The following POLE variants were observed in gnomAD, a reference collection of about 807,000 sequenced individuals.
POLE encodes DNA polymerase epsilon, catalytic subunit.
POLE carries 188 observed loss-of-function variants against 279.2 expected under a neutral mutation model. The ratio of observed to expected loss-of-function variants is 0.67; its 90% CI spans 0.60 to 0.76. The LOEUF (loss-of-function observed/expected upper bound fraction) is 0.76, where lower values mean the gene tolerates loss of function less well. Among genes scored for constraint, POLE ranks in the 30% least tolerant of loss-of-function variants. The pLI is 0.00. For missense variants in POLE, 2,703 were observed against 3,016.7 expected, an observed-to-expected ratio of 0.90 and a Z score of 2.44; for synonymous variants, 1,214 against 1,172.5, an observed-to-expected ratio of 1.04 and a Z score of -0.72.
rs2042379718 is a variant in POLE, at chr12:132,649,772, C to G, written c.3700G>C (p.Val1234Leu). The change falls in exon 30 of 49, where the codon GTT becomes CTT. Residue 1234 changes from valine (V) to leucine (L), a missense_variant. Coordinates refer to ENST00000320574, the MANE Select transcript of POLE (RefSeq NM_006231.4). Reference sequence around the variant, plus strand: ...GACTCCTCCTGGCTCTCCCAAAGAACTCGCTTCCTCTTCACAGTGACAGGG... The same window carrying G: ...GACTCCTCCTGGCTCTCCCAAAGAAGTCGCTTCCTCTTCACAGTGACAGGG... ...AAPVTVKRKR[V>L]LWESQEESQD... 1 of 1,614,112 alleles carries G rather than the reference C, an allele frequency of 6.2e-7. No individual in the cohort carries two copies. The highest frequency in any genetic ancestry group is 1.3e-5 in the African/African-American group (1 of 74,936).
rs762000608 is a variant in POLE at position 132,639,201 on chromosome 12, G to T, written c.5476C>A (p.Arg1826=). 3 of 1,614,078 alleles carry T rather than the reference G, an allele frequency of 1.9e-6. No homozygotes were observed. The highest frequency in any genetic ancestry group is 2.5e-6 in the Non-Finnish European group (3 of 1,179,966). The part of the protein sequence containing the change: ...NQVMHFYRWL[R]SPSSLLHDPA... ...TCATGAAGCAGAGAGGATGGCGACC[G>T]AAGCCAGCGGTAGAAGTGCATCACC... The change falls in exon 40 of 49, where the codon CGG becomes AGG. Residue 1826 remains arginine (R), a synonymous_variant. Coordinates refer to ENST00000320574, the MANE Select transcript of POLE (RefSeq NM_006231.4). This position sits in a 1 kb window ranked among gnomAD's most constrained non-coding sequence, Gnocchi z 4.7.
chr12:132,675,249 T>A lies in POLE; in HGVS notation c.1226+149A>T. On this transcript the variant is annotated intron_variant, in intron 12 of 48. Coordinates refer to ENST00000320574, the MANE Select transcript of POLE (RefSeq NM_006231.4). This position sits in a 1 kb window ranked among gnomAD's most constrained non-coding sequence, Gnocchi z 4.3. ...CAGCACATCCCGGGCCCTGGCAGGG[T>A]TGCAGCTGCCATACTCTTGGGTGAC... 3 of 904,828 alleles carry A rather than the reference T, an allele frequency of 3.3e-6. No individual in the cohort carries two copies. In the South Asian group the frequency reaches 5.1e-5, roughly 15 times the overall value. The allele number at this position is 904,828 out of a possible 1,614,324, so 56.0% of individuals were successfully genotyped here. A position where few individuals can be genotyped will look rare whatever the true frequency, so the allele number is the denominator to read the frequency against.
At chr12:132,680,336 T>A in intron 3 of POLE, 114 bp from the exon 4 acceptor site, 1 of 962,444 alleles carries the variant, frequency 1.0e-6, no homozygotes, top group Non-Finnish European at 1.7e-6. Flanking sequence ...CAGGGTAGCC[T>A]TGACCTTGGT....
At chr12:132,682,984 A>G (rs1020183801) in intron 1 of POLE, among the ~76,000 whole-genome samples, 8 of 152,050 alleles carry the variant, frequency 5.3e-5, no homozygotes, top group African/African-American at 1.9e-4. Context: ...AGAACAAGAT[A>G]AAAAAAGAAA....
rs1264882230 is a variant in POLE at position 132,639,958 on chromosome 12, AAAACAAAAC to A, written c.5379-669_5379-661del. On this transcript the variant is annotated intron_variant, in intron 39 of 48. Coordinates refer to ENST00000320574, the MANE Select transcript of POLE (RefSeq NM_006231.4). The surrounding 1 kb of genome is among the most constrained non-coding windows in gnomAD (Gnocchi z 4.7). ...TGAGACTGTCTCAAAAAACAAAAACAAAACAAAACAAAACAAAACAAAACAAAACAAAAC... is the reference window on the plus strand; with the variant it reads ...TGAGACTGTCTCAAAAAACAAAAACAAAAACAAAACAAAACAAAACAAAAC... 1.0e-4 allele frequency among the ~76,000 whole-genome samples: 2 copies of A among 19,528 alleles called. No homozygotes were observed. The highest frequency in any genetic ancestry group is 1.6e-3 in the South Asian group (1 of 616). 12.8% of individuals were successfully genotyped at this position (19,528 alleles called of 152,430 possible).
intron 20 of POLE, 108 bp downstream of exon 20, chr12:132,667,395 C>T (rs1436345158): frequency 3.2e-5 from 37 of 1,145,524 alleles, no homozygotes; most frequent in Non-Finnish European, 4.7e-5. Flanking sequence ...CATCCGAGTG[C>T]AAGTGCCTGC....
At chr12:132,628,210 C>T (rs866338551) in intron 45 of POLE, among the ~76,000 whole-genome samples, 10 of 152,122 alleles carry the variant, frequency 6.6e-5, no homozygotes, top group Admixed American at 1.3e-4. Context: ...GGTGTGGTGG[C>T]GCTTGCCTGT....
chr12:132,642,372 G>C lies in POLE; in HGVS notation c.4978C>G (p.Leu1660Val), dbSNP rs2138531866. ...CCGAATGTGGAGATGTCCTCTGGTA[G>C]GTTCCCAATGGGAATGTGAAAGTAC... is the stretch of plus-strand genomic sequence containing the variant. ...SRYFHIPIGN[L>V]PEDISTFGSD... Residue 1660 changes from leucine (L) to valine (V), a missense_variant, in exon 38 of 49, where the codon CTA (leucine) becomes GTA (valine). Coordinates refer to ENST00000320574, the MANE Select transcript of POLE (RefSeq NM_006231.4). 1 of 1,579,426 alleles carries C rather than the reference G, an allele frequency of 6.3e-7. No homozygotes were observed. The highest frequency in any genetic ancestry group is 1.3e-5 in the African/African-American group (1 of 74,394).
chr12:132,679,644 T>G lies in POLE; in HGVS notation c.431A>C (p.His144Pro). 1 of 1,609,502 alleles carries G rather than the reference T, an allele frequency of 6.2e-7. No homozygotes were observed. Among genetic ancestry groups the G allele is most frequent in the South Asian group, 1.1e-5 (1 of 90,998 alleles). Residue 144 changes from histidine (H) to proline (P), a missense_variant, in exon 6 of 49, where the codon CAC (histidine) becomes CCC (proline). Transcript: ENST00000320574. ...GTAATTTCGCTTCAAACCCACCAAG[T>G]GATTTGGCTATAATGCGAAGAGATC... ...VPKEDLDLPN[H>P]LVGLKRNYIR...
intron 9 of POLE, 115 bp from the exon 10 acceptor site, chr12:132,676,319 C>T (rs536649275): frequency 9.3e-5 from 73 of 787,040 alleles, no homozygotes; most frequent in Non-Finnish European, 1.1e-4. Context: ...AAGTCCACAG[C>T]AATGTGAAAG....
rs142218834 is a variant in POLE at position 132,625,960 on chromosome 12, G to A, written c.6531+157C>T. The A allele has an allele frequency of 2.5e-5, 27 of 1,093,558 alleles. No homozygotes were observed. In the African/African-American group the frequency reaches 4.0e-4, roughly 16 times the overall value. The allele number at this position is 1,093,558 out of a possible 1,614,324, so 67.7% of individuals were successfully genotyped here. On this transcript the variant is annotated intron_variant, in intron 46 of 48. Transcript: ENST00000320574. ...CCTAGGACAACATTCCGAACATGGTGTGGGGAGGCCTGGGAAGGGGCCTGT... is the reference window on the plus strand; with the variant it reads ...CCTAGGACAACATTCCGAACATGGTATGGGGAGGCCTGGGAAGGGGCCTGT...
chr12:132,632,231 C>T (rs1324737697), intron 45 of POLE, 84 bp downstream of exon 45: 5 of 1,088,938 alleles, frequency 4.6e-6, no homozygotes, highest in Non-Finnish European at 5.5e-6. Flanking sequence ...GCACGCATTA[C>T]AGCCTCACCT....
chr12:132,643,753 G>T (rs2042210348), intron 33 of POLE, 84 bp downstream of exon 33: 3 of 1,518,232 alleles, frequency 2.0e-6, no homozygotes, highest in Non-Finnish European at 2.7e-6. Flanking sequence ...CTGTTCCCCA[G>T]CCCACACCCT....
rs1280641339 is a variant in POLE, at chr12:132,643,897, G to A, written c.4230C>T (p.His1410=). Residue 1410 remains histidine, a synonymous_variant, in exon 33 of 49, where the codon CAC becomes CAT. Transcript: ENST00000320574. ...ACAGCTCAGCGTTGATCTCGTTGAT[G>A]TGTTCCTGGTACATGTCCTCTGGCA... ...YSVPEDMYQE[H]INEINAELSA... is the part of the protein sequence containing the mutation. The A allele has an allele frequency of 2.5e-6, 4 of 1,613,998 alleles. No individual in the cohort carries two copies. In the African/African-American group the frequency reaches 4.0e-5, roughly 16 times the overall value.
Position 132,644,013 on chromosome 12 carries a change from G to C in POLE, c.4150-36C>G, listed in dbSNP as rs755471365. Reference sequence around the variant, plus strand: ...TACGACGATGATCTCGTCACTGGGCGTAAGTGGTAATGTCTGTGGTACACA... The same window carrying C: ...TACGACGATGATCTCGTCACTGGGCCTAAGTGGTAATGTCTGTGGTACACA... On this transcript the variant is annotated intron_variant, in intron 32 of 48. Coordinates refer to ENST00000320574, the MANE Select transcript of POLE (RefSeq NM_006231.4). The C allele has an allele frequency of 2.1e-5, 34 of 1,600,698 alleles. No homozygotes were observed. The highest frequency in any genetic ancestry group is 2.5e-5 in the Non-Finnish European group (29 of 1,170,660).
Position 132,642,325 on chromosome 12 carries a change from GC to G in POLE, c.5024del (p.Arg1675ProfsTer86). 2 of 1,598,012 alleles carry G rather than the reference GC, an allele frequency of 1.3e-6. No individual in the cohort carries two copies. Among genetic ancestry groups the G allele is most frequent in the Non-Finnish European group, 1.7e-6 (2 of 1,171,952 alleles). On this transcript the variant is annotated frameshift_variant, in exon 38 of 49. Coordinates refer to ENST00000320574, the MANE Select transcript of POLE (RefSeq NM_006231.4). LOFTEE classifies it high-confidence loss of function. ...STFGSDLFFA[R>X]HLQRHNHLLW... ...GCAGGTGGTTGTGGCGCTGGAGGTG[GC>G]GGGCAAAGAAGAGGTCGGAGCCGAA...
intron 1 of POLE, 64 bp downstream of exon 1, chr12:132,687,190 C>A: frequency 1.1e-5 from 12 of 1,107,680 alleles, no homozygotes; most frequent in East Asian, 6.7e-5. Context: ...CGGCGCCAGC[C>A]GAGGACGGCC....
rs1159328777 is a variant in POLE at position 132,642,844 on chromosome 12, G to C, written c.4704C>G (p.Ile1568Met). ...ETDLKTICRAIQRFLLAYKEE... is the reference protein window; with the variant it reads ...ETDLKTICRAMQRFLLAYKEE... ...CCTTGTAGGCGAGCAGGAATCGCTG[G>C]ATGGCTCTGCAGATGGTCTTCAGGT... The change falls in exon 36 of 49, where the codon ATC becomes ATG. Residue 1568 changes from isoleucine to methionine, a missense_variant. This residue lies in a region of POLE where 1,551 missense variants were observed against 1,686.1 expected (regional missense o/e 0.92). Transcript: ENST00000320574. The C allele has an allele frequency of 6.2e-7, 1 of 1,614,036 alleles. No individual in the cohort carries two copies. Among genetic ancestry groups the C allele is most frequent in the Non-Finnish European group, 8.5e-7 (1 of 1,179,984 alleles).
At chr12:132,626,349 G>GCTCCCGGGGC in intron 45 of POLE, 32 bp from the exon 46 acceptor site, 1 of 1,602,768 alleles carries the variant, frequency 6.2e-7, no homozygotes, top group Non-Finnish European at 8.5e-7. Flanking sequence ...TCGGGAAGGA[G>GCTCCCGGGGC]CTCCCGGGGC....
Sources: allele counts gnomAD v4.1 joint callset (sites outside exome capture counted in the v4.1 genomes callset), GRCh38; gene constraint gnomAD v4.1.1; regional missense constraint gnomAD v4.1.1; non-coding constraint Gnocchi (gnomAD v3.1); transcripts MANE v1.5; gene names NCBI Gene and HGNC (gene_info 2026-07-23, HGNC 2026-07-21).